MLLT3: variants seen among roughly 807,000 people sequenced by gnomAD.
MLLT3 encodes the protein MLLT3 super elongation complex subunit.
In MLLT3, 4 loss-of-function variants were observed where a neutral mutation model predicts 53.2. The observed-to-expected ratio is 0.08, with a 90% CI of 0.04 to 0.17. MLLT3 has a LOEUF of 0.17. Ranked by LOEUF, MLLT3 falls within the 10% of genes least tolerant of loss-of-function variation. The probability of loss-of-function intolerance (pLI) is 1.00; values close to 1 mark genes in which losing one functional copy is unlikely to be tolerated. For synonymous variants in MLLT3, 283 were observed against 230.6 expected (o/e 1.23, Z -2.06); for missense variants, 569 against 684.0 (o/e 0.83, Z 1.87).
chr9:20,413,590 G>C, intron 5 of MLLT3, 131 bp downstream of exon 5: 2 of 694,604 alleles, frequency 2.9e-6, no homozygotes, highest in Non-Finnish European at 2.3e-6. Flanking sequence ...TGCATTTCTA[G>C]GCCAGATCTA....
intron 2 of MLLT3, among the ~76,000 whole-genome samples, chr9:20,590,416 G>A (rs1344195140): frequency 1.3e-5 from 2 of 152,222 alleles, no homozygotes; most frequent in East Asian, 1.9e-4. Flanking sequence ...CCAGTCGGAG[G>A]TGATTAGACC....
At chr9:20,575,321 C>T (rs930980486) in intron 2 of MLLT3, among the ~76,000 whole-genome samples, 1 of 152,172 alleles carries the variant, frequency 6.6e-6, no homozygotes, top group African/African-American at 2.4e-5. Context: ...AAATTACTAT[C>T]TATGGCAGCT....
Position 20,568,634 on chromosome 9 carries a change from G to A in MLLT3, c.193+52020C>T, listed in dbSNP as rs540287008. On this transcript the variant is annotated intron_variant, in intron 2 of 10. Transcript: ENST00000380338. ...AATCCATATAAACAAAGTTTCCAGTGAGGATGTAACAAGTATAGAATGAAA... is the reference window on the plus strand; with the variant it reads ...AATCCATATAAACAAAGTTTCCAGTAAGGATGTAACAAGTATAGAATGAAA... Among the ~76,000 whole-genome samples the A allele has an allele frequency of 1.5e-3, 236 of 152,284 alleles. 2 individuals carry two copies. Among genetic ancestry groups the A allele is most frequent in the African/African-American group, 5.6e-3 (231 of 41,562 alleles).
intron 5 of MLLT3, among the ~76,000 whole-genome samples, chr9:20,385,158 A>G (rs1477381885): frequency 6.6e-6 from 1 of 152,142 alleles, no homozygotes; most frequent in African/African-American, 2.4e-5. Context: ...GGTCTACAAT[A>G]CTTTTTCCTG....
At chr9:20,432,926 C>T (rs1823312291) in intron 4 of MLLT3, among the ~76,000 whole-genome samples, 1 of 151,984 alleles carries the variant, frequency 6.6e-6, no homozygotes, top group South Asian at 2.1e-4. Context: ...AAGTATGTGC[C>T]TTTGAATGAA....
At chr9:20,519,158 AG>A (rs569156006) in intron 2 of MLLT3, among the ~76,000 whole-genome samples, 72 of 152,372 alleles carry the variant, frequency 4.7e-4, no homozygotes, top group Non-Finnish European at 8.5e-4. Context: ...GTGGTATCCT[AG>A]ATTAGATCTT....
intron 2 of MLLT3, among the ~76,000 whole-genome samples, chr9:20,586,879 T>C (rs1319633441): frequency 2.6e-5 from 4 of 152,132 alleles, no homozygotes; most frequent in East Asian, 1.9e-4. Flanking sequence ...TATAATACCA[T>C]TTTCAATCTA....
intron 4 of MLLT3, among the ~76,000 whole-genome samples, chr9:20,424,993 G>A (rs762830837): frequency 2.6e-5 from 4 of 152,140 alleles, no homozygotes; most frequent in Non-Finnish European, 4.4e-5. Flanking sequence ...CACCACTAGT[G>A]CAGACAAGCA....
chr9:20,442,478 G>A lies in MLLT3; in HGVS notation c.420+5645C>T, dbSNP rs1823578845. Among the ~76,000 whole-genome samples the A allele has an allele frequency of 2.6e-5, 4 of 152,278 alleles. No homozygotes were observed. The South Asian group carries it at 8.3e-4, about 32-fold the overall frequency. On this transcript the variant is annotated intron_variant, in intron 4 of 10. Coordinates refer to ENST00000380338, the MANE Select transcript of MLLT3 (RefSeq NM_004529.4). ...AACTGTATGTCATGATGCACTGTGTGTATATTTACCTATTCAAAAAAATTA... is the reference window on the plus strand; with the variant it reads ...AACTGTATGTCATGATGCACTGTGTATATATTTACCTATTCAAAAAAATTA...
At chr9:20,485,666 T>A (rs1824792212) in intron 2 of MLLT3, among the ~76,000 whole-genome samples, 1 of 152,156 alleles carries the variant, frequency 6.6e-6, no homozygotes, top group Non-Finnish European at 1.5e-5. Flanking sequence ...CATTGGCAAG[T>A]TTTTTTAAAA....
At position 20,344,790 on chromosome 9, in the gene MLLT3, T is replaced by G. The variant is rs1820823544; in HGVS notation, c.*1653A>C. ...TTATATAACTGCCCAAAAGAATGGG[T>G]CTGGAAAGACCATTTTCTGTACAGA... On this transcript the variant is annotated 3_prime_UTR_variant, in exon 11 of 11. Transcript: ENST00000380338. 4.8e-6 allele frequency: 1 copy of G among 208,234 alleles called. No homozygotes were observed. The highest frequency in any genetic ancestry group is 1.9e-4 in the South Asian group (1 of 5,288). The allele number at this position is 208,234 out of a possible 1,614,324, so 12.9% of individuals were successfully genotyped here. A position where few individuals can be genotyped will look rare whatever the true frequency, so the allele number is the denominator to read the frequency against.
intron 2 of MLLT3, among the ~76,000 whole-genome samples, chr9:20,537,819 C>G (rs1341568768): frequency 6.6e-6 from 1 of 152,124 alleles, no homozygotes; most frequent in Admixed American, 6.5e-5. Context: ...ACAGACATGG[C>G]ATATTATAAG....
In MLLT3 at chr9:20,484,119, GATTA is replaced by G. The variant is rs369840239; in HGVS notation, c.194-27337_194-27334del. Reference sequence around the variant, plus strand: ...ATACAATAGTGATATAACTACAGGTGATTAATTATTTATGGGCACATGAACATAT... The same window carrying G: ...ATACAATAGTGATATAACTACAGGTGATTATTTATGGGCACATGAACATAT... On this transcript the variant is annotated intron_variant, in intron 2 of 10. Coordinates refer to ENST00000380338, the MANE Select transcript of MLLT3 (RefSeq NM_004529.4). 9.5e-3 allele frequency among the ~76,000 whole-genome samples: 1,441 copies of G among 152,144 alleles called. 28 individuals carry two copies. The highest frequency in any genetic ancestry group is 0.033 in the African/African-American group (1,368 of 41,516).
intron 5 of MLLT3, among the ~76,000 whole-genome samples, chr9:20,399,625 T>C (rs1354843448): frequency 6.6e-6 from 1 of 152,028 alleles, no homozygotes; most frequent in African/African-American, 2.4e-5. Flanking sequence ...CTCAGGGTAA[T>C]ATACTGGGAC....
At chr9:20,537,365 A>C (rs1159056725) in intron 2 of MLLT3, among the ~76,000 whole-genome samples, 2 of 152,222 alleles carry the variant, frequency 1.3e-5, no homozygotes, top group East Asian at 3.8e-4. Context: ...AATTTACAGA[A>C]AATGATGTAT....
intron 2 of MLLT3, among the ~76,000 whole-genome samples, chr9:20,539,303 T>G (rs541309596): frequency 6.6e-6 from 1 of 152,342 alleles, no homozygotes; most frequent in African/African-American, 2.4e-5. Context: ...TCTAAAACAT[T>G]TGTTGTAATT....
intron 2 of MLLT3, among the ~76,000 whole-genome samples, chr9:20,588,460 C>T (rs190475090): frequency 2.8e-3 from 426 of 152,238 alleles, no homozygotes; most frequent in Non-Finnish European, 5.1e-3. Context: ...GATATTGATT[C>T]TTCCTACCCA....
intron 3 of MLLT3, among the ~76,000 whole-genome samples, chr9:20,449,129 C>A (rs1273825138): frequency 6.6e-6 from 1 of 152,202 alleles, no homozygotes; most frequent in African/African-American, 2.4e-5. Context: ...CTCTCCTCTA[C>A]TATGTATGCA....
chr9:20,541,446 C>G (rs1818627230), intron 2 of MLLT3, among the ~76,000 whole-genome samples: 1 of 152,208 alleles, frequency 6.6e-6, no homozygotes, highest in Admixed American at 6.5e-5. Context: ...ACTCACAGTT[C>G]TGCATGGTTG....
Sources: allele counts gnomAD v4.1 joint callset (sites outside exome capture counted in the v4.1 genomes callset), GRCh38; gene constraint gnomAD v4.1.1; transcripts MANE v1.5; gene names NCBI Gene and HGNC (gene_info 2026-07-23, HGNC 2026-07-21).